BACH2: variants seen among roughly 807,000 people sequenced by gnomAD.
BACH2 encodes the protein transcription regulator protein BACH2.
In BACH2, 5 loss-of-function variants were observed where a neutral mutation model predicts 61.8. That is an observed-to-expected ratio of 0.08 (90% confidence interval 0.04 to 0.17). The LOEUF (loss-of-function observed/expected upper bound fraction) is 0.17, where lower values mean the gene tolerates loss of function less well. Among genes scored for constraint, BACH2 ranks in the 10% least tolerant of loss-of-function variants. The pLI, the probability that BACH2 is intolerant of heterozygous loss-of-function variation, is 1.00. For missense variants in BACH2, 824 were observed against 1,091.1 expected (o/e 0.76, Z 3.45); for synonymous variants, 446 against 440.1 (o/e 1.01, Z -0.17).
chr6:90,002,951 T>G (rs538979903), intron 6 of BACH2, among the ~76,000 whole-genome samples: 2 of 152,262 alleles, frequency 1.3e-5, no homozygotes, highest in Non-Finnish European at 2.9e-5. Flanking sequence ...ATCCAACATA[T>G]AAGAAATTCC....
intron 1 of BACH2, among the ~76,000 whole-genome samples, chr6:90,294,281 A>C (rs1772268229): frequency 6.6e-6 from 1 of 152,212 alleles, no homozygotes. Context: ...AGCCTCCTGC[A>C]ATGCAAAACG....
At chr6:90,061,635 C>G (rs1050919629) in intron 5 of BACH2, among the ~76,000 whole-genome samples, 2 of 151,916 alleles carry the variant, frequency 1.3e-5, no homozygotes, top group African/African-American at 2.4e-5. Flanking sequence ...AACATAGGGA[C>G]AGACTGAGCC....
chr6:90,147,867 C>T (rs1373758819), intron 4 of BACH2, among the ~76,000 whole-genome samples: 1 of 152,084 alleles, frequency 6.6e-6, no homozygotes, highest in Non-Finnish European at 1.5e-5. Flanking sequence ...TTACAGAATA[C>T]TCTATCTAGA....
chr6:90,179,918 T>C (rs1048140679), intron 4 of BACH2, among the ~76,000 whole-genome samples: 1 of 152,132 alleles, frequency 6.6e-6, no homozygotes, highest in African/African-American at 2.4e-5. Flanking sequence ...CCAAAGTAAA[T>C]ATCCATGAGT....
At chr6:89,954,445 C>T (rs1382663703) in intron 6 of BACH2, among the ~76,000 whole-genome samples, 1 of 97,686 alleles carries the variant, frequency 1.0e-5, no homozygotes, top group Non-Finnish European at 2.0e-5. Flanking sequence ...GCTATCCCTC[C>T]CCCCTCCCCC....
At chr6:90,263,200 A>T (rs772166244) in intron 2 of BACH2, among the ~76,000 whole-genome samples, 26 of 152,188 alleles carry the variant, frequency 1.7e-4, no homozygotes, top group African/African-American at 6.3e-4. Flanking sequence ...AGGTAAGCAC[A>T]AGAGTTTACT....
At chr6:90,203,583 A>G (rs1769033065) in intron 4 of BACH2, among the ~76,000 whole-genome samples, 2 of 152,126 alleles carry the variant, frequency 1.3e-5, no homozygotes, top group Admixed American at 1.3e-4. Context: ...TTTCTTTAAC[A>G]TGTAAGAATT....
chr6:90,098,636 T>C (rs963726441), intron 4 of BACH2, among the ~76,000 whole-genome samples: 1 of 152,210 alleles, frequency 6.6e-6, no homozygotes, highest in East Asian at 1.9e-4. Context: ...CAAGGACCCT[T>C]TGAAGACGAT....
chr6:90,013,434 A>C (rs1414696748), intron 5 of BACH2, among the ~76,000 whole-genome samples: 1 of 149,166 alleles, frequency 6.7e-6, no homozygotes, highest in Non-Finnish European at 1.5e-5. Flanking sequence ...AGGAAGTTTT[A>C]TTTCTTTCTC....
At chr6:89,933,649 T>C (rs1772822932) in intron 8 of BACH2, among the ~76,000 whole-genome samples, 1 of 152,128 alleles carries the variant, frequency 6.6e-6, no homozygotes, top group South Asian at 2.1e-4. Flanking sequence ...AAACTCTCTG[T>C]ATAGTGTGTT....
Position 90,187,677 on chromosome 6 carries a change from C to T in BACH2, c.-162+18892G>A, listed in dbSNP as rs139762305. Among the ~76,000 whole-genome samples, 498 of 152,368 alleles carry T rather than the reference C, an allele frequency of 3.3e-3. 3 individuals are homozygous for T. Among genetic ancestry groups the T allele is most frequent in the Non-Finnish European group, 5.7e-3 (391 of 68,038 alleles). Reference sequence around the variant, plus strand: ...TTAACTGAAATGCTTATCAACCAATCTGAGAACCAGAATTTCCCAGAAGAG... The same window carrying T: ...TTAACTGAAATGCTTATCAACCAATTTGAGAACCAGAATTTCCCAGAAGAG... On this transcript the variant is annotated intron_variant, in intron 4 of 8. Coordinates refer to ENST00000257749, the MANE Select transcript of BACH2 (RefSeq NM_021813.4).
At chr6:90,229,775 C>T (rs1770034537) in intron 3 of BACH2, among the ~76,000 whole-genome samples, 3 of 152,070 alleles carry the variant, frequency 2.0e-5, no homozygotes, top group Admixed American at 1.3e-4. Context: ...TGCGGCTTTG[C>T]GATTTAGACT....
intron 6 of BACH2, among the ~76,000 whole-genome samples, chr6:89,982,459 AG>A: frequency 6.6e-6 from 1 of 152,336 alleles, no homozygotes; most frequent in Admixed American, 6.5e-5. Context: ...GCTTTCTCAG[AG>A]GGTTTTTAAT....
chr6:90,106,127 G>A (rs1335465981), intron 4 of BACH2, among the ~76,000 whole-genome samples: 2 of 152,146 alleles, frequency 1.3e-5, no homozygotes, highest in Non-Finnish European at 2.9e-5. Flanking sequence ...TTTTAAAGCT[G>A]AAGTTTCAAA....
intron 4 of BACH2, among the ~76,000 whole-genome samples, chr6:90,132,942 C>T (rs1473267898): frequency 6.6e-6 from 1 of 152,178 alleles, no homozygotes; most frequent in Non-Finnish European, 1.5e-5. Flanking sequence ...CCAGTTAAAC[C>T]ACATCTCCTC....
chr6:90,204,398 AC>A (rs1319193824), intron 4 of BACH2, among the ~76,000 whole-genome samples: 2 of 152,114 alleles, frequency 1.3e-5, no homozygotes, highest in African/African-American at 4.8e-5. Context: ...CCAGAGAGTG[AC>A]CTATTCTTTG....
rs1772480234 is a variant in BACH2 at position 89,928,728 on chromosome 6, C to CA, written c.*3679dup. The CA allele has an allele frequency of 6.6e-6, 1 of 152,644 alleles. No homozygotes were observed. Among genetic ancestry groups the CA allele is most frequent in the Non-Finnish European group, 1.5e-5 (1 of 68,030 alleles). The allele number at this position is 152,644 out of a possible 1,614,324, so 9.5% of individuals were successfully genotyped here. On this transcript the variant is annotated 3_prime_UTR_variant, in exon 9 of 9. Transcript: ENST00000257749. ...TAAAAGCAGCAAACCTTTAGAAAGA[C>CA]AGTTAATAAATTACTCGCACAACAT...
chr6:90,049,169 G>C (rs1490038363), intron 5 of BACH2, among the ~76,000 whole-genome samples: 3 of 152,122 alleles, frequency 2.0e-5, no homozygotes. Flanking sequence ...CAGATGCCAA[G>C]TTATTATTTT....
chr6:90,130,399 C>A (rs1033743717), intron 4 of BACH2, among the ~76,000 whole-genome samples: 1 of 152,164 alleles, frequency 6.6e-6, no homozygotes, highest in Non-Finnish European at 1.5e-5. Flanking sequence ...GAGCTAACAC[C>A]GAAGGAGCAT....
Sources: gnomAD v4.1 joint callset for allele counts (sites outside exome capture counted in the v4.1 genomes callset) on GRCh38, gnomAD v4.1.1 for gene constraint, MANE v1.5 for transcripts, NCBI Gene and HGNC (gene_info 2026-07-23, HGNC 2026-07-21) for gene names.